The following TMEM74B variants were observed in gnomAD, a reference collection of about 807,000 sequenced individuals.
TMEM74B encodes transmembrane protein C20orf46.
A neutral mutation model predicts 6.5 loss-of-function variants in TMEM74B; 7 were observed. The observed-to-expected ratio is 1.07, with a 90% CI of 0.61 to 2.01. The LOEUF is 2.01. TMEM74B is among the 30% of genes most tolerant of loss of function. The probability of loss-of-function intolerance (pLI) is 0.00; values close to 1 mark genes in which losing one functional copy is unlikely to be tolerated. For missense variants in TMEM74B, 342 were observed against 337.0 expected, an observed-to-expected ratio of 1.01 and a Z score of -0.12; for synonymous variants, 151 against 151.6, an observed-to-expected ratio of 1.00 and a Z score of 0.03.
chr20:1,185,278 C>G (rs1446024012), upstream of TMEM74B: 2 of 151,672 alleles, frequency 1.3e-5, no homozygotes, highest in African/African-American at 2.4e-5. Flanking sequence ...CTGCGGGGGT[C>G]TCTCTCCTGC....
At chr20:1,188,488 CACACACACT>C (rs200111986), upstream of TMEM74B, among the ~76,000 whole-genome samples, 1 of 141,402 alleles carries the variant, frequency 7.1e-6, no homozygotes, top group African/African-American at 2.9e-5. Context: ...CTACACACAC[CACACACACT>C]ACACACACAT....
At chr20:1,185,446 G>T (rs958087866), upstream of TMEM74B, 2 of 151,616 alleles carry the variant, frequency 1.3e-5, no homozygotes, top group East Asian at 1.9e-4. Context: ...GGGAGGCGGG[G>T]GGGGGATCCG....
rs2086872352 is a variant in TMEM74B, at chr20:1,181,625, C to T, written c.32-38G>A. ...AAAGAAAGTCAGTTGAATGTAGCAA[C>T]CTCTCCCTGTTGTGGAGGACATCAT... On this transcript the variant is annotated intron_variant, in intron 2 of 2. Coordinates refer to ENST00000429036, the MANE Select transcript of TMEM74B (RefSeq NM_001304748.2). The surrounding 1 kb of genome is among the most constrained non-coding windows in gnomAD (Gnocchi z 4.9). 7 of 1,448,196 alleles carry T rather than the reference C, an allele frequency of 4.8e-6. No individual in the cohort carries two copies. The African/African-American group carries it at 1.0e-4, about 21-fold the overall frequency. The allele number at this position is 1,448,196 out of a possible 1,614,324, so 89.7% of individuals were successfully genotyped here.
chr20:1,180,779 G>T lies in TMEM74B; in HGVS notation c.*69C>A. 6.6e-7 allele frequency: 1 copy of T among 1,512,566 alleles called. No homozygotes were observed. 93.7% of individuals were successfully genotyped at this position (1,512,566 alleles called of 1,614,324 possible). A position where few individuals can be genotyped will look rare whatever the true frequency, so the allele number is the denominator to read the frequency against. On this transcript the variant is annotated 3_prime_UTR_variant, in exon 3 of 3. Coordinates refer to ENST00000429036, the MANE Select transcript of TMEM74B (RefSeq NM_001304748.2). This position sits in a 1 kb window ranked among gnomAD's most constrained non-coding sequence, Gnocchi z 6.1. The stretch of plus-strand genomic sequence containing the variant: ...AACCCCAGGGCCTTGGCAGGGGTCA[G>T]GTGGGCGGGAGCAGGGGGTGGACCT...
chr20:1,186,186 C>T (rs1393280492), upstream of TMEM74B: 1 of 152,352 alleles, frequency 6.6e-6, no homozygotes. Context: ...TTGCTCTTGT[C>T]TCTGACGGTC....
Position 1,182,404 on chromosome 20 carries a change from G to A in TMEM74B, c.32-817C>T, listed in dbSNP as rs576579077. On this transcript the variant is annotated intron_variant, in intron 2 of 2. Transcript: ENST00000429036. ...CTCTGAAAGCCAGGCCAAGGAGCCCGAGAGCCATGCAGAGCTGAGGAGCTG... is the reference window on the plus strand; with the variant it reads ...CTCTGAAAGCCAGGCCAAGGAGCCCAAGAGCCATGCAGAGCTGAGGAGCTG... Among the ~76,000 whole-genome samples, 18 of 152,204 alleles carry A rather than the reference G, an allele frequency of 1.2e-4. No individual in the cohort carries two copies. The East Asian group carries it at 1.7e-3, about 15-fold the overall frequency.
At chr20:1,188,534 T>TACACACACC (rs2087045622), upstream of TMEM74B, among the ~76,000 whole-genome samples, 1 of 118,102 alleles carries the variant, frequency 8.5e-6, no homozygotes, top group Non-Finnish European at 1.8e-5. Flanking sequence ...ACACACACAC[T>TACACACACC]ACACACACCA....
chr20:1,187,163 A>G (rs2087032840), upstream of TMEM74B, among the ~76,000 whole-genome samples: 1 of 152,042 alleles, frequency 6.6e-6, no homozygotes, highest in African/African-American at 2.4e-5. Context: ...CTTCTCAGAG[A>G]CGCCATTCCA....
At chr20:1,185,472 G>A (rs1300764132), upstream of TMEM74B, 2 of 151,546 alleles carry the variant, frequency 1.3e-5, no homozygotes, top group African/African-American at 4.8e-5. Flanking sequence ...GGAGGGACGG[G>A]AGAAGGGGCG....
intron 2 of TMEM74B, among the ~76,000 whole-genome samples, chr20:1,182,630 C>T (rs569754031): frequency 1.0e-3 from 159 of 152,168 alleles, no homozygotes; most frequent in African/African-American, 3.6e-3. Context: ...GGGACCTGGA[C>T]TAGAACCACA....
At chr20:1,183,365 G>GGAAT (rs764523098) in intron 2 of TMEM74B, among the ~76,000 whole-genome samples, 1 of 151,840 alleles carries the variant, frequency 6.6e-6, no homozygotes, top group Non-Finnish European at 1.5e-5. Context: ...GAGGATGAAT[G>GGAAT]GAATGAATGA....
upstream of TMEM74B, among the ~76,000 whole-genome samples, chr20:1,187,483 T>C (rs2122700923): frequency 6.6e-6 from 1 of 152,338 alleles, no homozygotes; most frequent in Non-Finnish European, 1.5e-5. Context: ...GCTTGTATTC[T>C]AGTGGGAGAA....
chr20:1,180,962 G>C lies in TMEM74B; in HGVS notation c.657C>G (p.Thr219=), dbSNP rs922360090. 3.7e-6 allele frequency: 6 copies of C among 1,614,022 alleles called. No individual in the cohort carries two copies. The highest frequency in any genetic ancestry group is 5.1e-6 in the Non-Finnish European group (6 of 1,180,018). Residue 219 remains threonine (T), a synonymous_variant, in exon 3 of 3, where the codon ACC becomes ACG. Coordinates refer to ENST00000429036, the MANE Select transcript of TMEM74B (RefSeq NM_001304748.2). The surrounding 1 kb of genome is among the most constrained non-coding windows in gnomAD (Gnocchi z 6.1). ...TCATGCGCAGGTTAATGGAGCCGTA[G>C]GTCTTCCTGGAGCCCTTGCCGGGGA... ...TFVPGKGSRK[T]YGSINLRMRQ...
At chr20:1,188,614 C>T (rs953709098), upstream of TMEM74B, among the ~76,000 whole-genome samples, 40 of 146,784 alleles carry the variant, frequency 2.7e-4, no homozygotes, top group East Asian at 7.8e-3. Context: ...ACACATACTA[C>T]ACACACACCA....
chr20:1,181,530 C>G lies in TMEM74B; in HGVS notation c.89G>C (p.Gly30Ala). Residue 30 changes from glycine to alanine, a missense_variant, in exon 3 of 3, where the codon GGT (glycine) becomes GCT (alanine). Physicochemically the swap from Gly to Ala is moderately conservative, Grantham distance 60 (BLOSUM62 0). Coordinates refer to ENST00000429036, the MANE Select transcript of TMEM74B (RefSeq NM_001304748.2). This position sits in a 1 kb window ranked among gnomAD's most constrained non-coding sequence, Gnocchi z 4.9. ...ATTGCTCAGTGTCTTCAGTTCCAGACCAGGGGGAGATGCCATTGGGAAGGA... is the reference window on the plus strand; with the variant it reads ...ATTGCTCAGTGTCTTCAGTTCCAGAGCAGGGGGAGATGCCATTGGGAAGGA... The part of the protein sequence containing the change: ...GPSFPMASPP[G>A]LELKTLSNGP... 2 of 1,484,154 alleles carry G rather than the reference C, an allele frequency of 1.3e-6. No homozygotes were observed. Among genetic ancestry groups the G allele is most frequent in the South Asian group, 2.9e-5 (2 of 69,132 alleles). 91.9% of individuals were successfully genotyped at this position (1,484,154 alleles called of 1,614,324 possible). A position where few individuals can be genotyped will look rare whatever the true frequency, so the allele number is the denominator to read the frequency against.
chr20:1,185,594 G>A (rs898942780), upstream of TMEM74B, among the ~76,000 whole-genome samples: 3 of 151,972 alleles, frequency 2.0e-5, no homozygotes, highest in Non-Finnish European at 4.4e-5. Flanking sequence ...CTGGGGCGAG[G>A]GTGCGGGGGC....
chr20:1,183,893 G>A lies in TMEM74B; in HGVS notation c.-92C>T, dbSNP rs983090098. Reference sequence around the variant, plus strand: ...ATCAGCAACCGTGAGCACCTTGAGAGCAGGCATAAGTTTGAATTCCATCTG... The same window carrying A: ...ATCAGCAACCGTGAGCACCTTGAGAACAGGCATAAGTTTGAATTCCATCTG... On this transcript the variant is annotated 5_prime_UTR_variant, in exon 2 of 3. Coordinates refer to ENST00000429036, the MANE Select transcript of TMEM74B (RefSeq NM_001304748.2). 6.7e-6 allele frequency: 10 copies of A among 1,497,838 alleles called. No homozygotes were observed. In the African/African-American group the frequency reaches 1.2e-4, roughly 19 times the overall value. The allele number at this position is 1,497,838 out of a possible 1,614,324, so 92.8% of individuals were successfully genotyped here. A position where few individuals can be genotyped will look rare whatever the true frequency, so the allele number is the denominator to read the frequency against.
At chr20:1,188,313 C>A (rs1281021577), upstream of TMEM74B, among the ~76,000 whole-genome samples, 1 of 151,860 alleles carries the variant, frequency 6.6e-6, no homozygotes, top group East Asian at 1.9e-4. Context: ...TAAAAGGATC[C>A]AAGGCTCCTT....
In TMEM74B at chr20:1,180,940, T is replaced by C. The variant is rs771281222; in HGVS notation, c.679A>G (p.Met227Val). 1.9e-6 allele frequency: 3 copies of C among 1,614,156 alleles called. No homozygotes were observed. The highest frequency in any genetic ancestry group is 2.5e-6 in the Non-Finnish European group (3 of 1,180,000). The change falls in exon 3 of 3, where the codon ATG becomes GTG. Residue 227 changes from methionine to valine, a missense_variant. By Grantham distance (21) the Met-to-Val change is conservative (BLOSUM62 1). Coordinates refer to ENST00000429036, the MANE Select transcript of TMEM74B (RefSeq NM_001304748.2). The surrounding 1 kb of genome is among the most constrained non-coding windows in gnomAD (Gnocchi z 6.1). ...CCCCCATCCCCATTGAGCTGTCTCA[T>C]GCGCAGGTTAATGGAGCCGTAGGTC... is the stretch of plus-strand genomic sequence containing the variant. ...RKTYGSINLR[M>V]RQLNGDGGQA...
Sources: gnomAD v4.1 joint callset for allele counts (sites outside exome capture counted in the v4.1 genomes callset) on GRCh38, gnomAD v4.1.1 for gene constraint, Gnocchi (gnomAD v3.1) non-coding constraint, MANE v1.5 for transcripts, NCBI Gene and HGNC (gene_info 2026-07-23, HGNC 2026-07-21) for gene names.